SYT17: variants seen among roughly 807,000 people sequenced by gnomAD.
SYT17 encodes synaptotagmin 17.
A neutral mutation model predicts 46.7 loss-of-function variants in SYT17; 22 were observed. That is an observed-to-expected ratio of 0.47 (90% CI 0.34 to 0.67). The LOEUF (loss-of-function observed/expected upper bound fraction) is 0.67. Among genes scored for constraint, SYT17 ranks in the 30% least tolerant of loss-of-function variants. The pLI, the probability that SYT17 is intolerant of heterozygous loss-of-function variation, is 0.01. For synonymous variants in SYT17, 251 were observed against 248.4 expected, an observed-to-expected ratio of 1.01 and a Z score of -0.10; for missense variants, 519 against 612.8, an observed-to-expected ratio of 0.85 and a Z score of 1.62.
At chr16:19,234,208 C>T (rs1450979688) in intron 7 of SYT17, among the ~76,000 whole-genome samples, 1 of 152,162 alleles carries the variant, frequency 6.6e-6, no homozygotes. Flanking sequence ...TGCCTGTAGT[C>T]CCAGCTACTC....
At chr16:19,191,724 A>T (rs1965028937) in intron 5 of SYT17, among the ~76,000 whole-genome samples, 1 of 152,188 alleles carries the variant, frequency 6.6e-6, no homozygotes, top group African/African-American at 2.4e-5. Context: ...GTAACTGTTC[A>T]TTTCAGAATC....
intron 7 of SYT17, chr16:19,250,009 C>T: frequency 1.3e-6 from 2 of 1,535,836 alleles, no homozygotes; most frequent in Non-Finnish European, 1.7e-6. Context: ...TCCTTGGATA[C>T]CCTCACCTGG....
intron 7 of SYT17, among the ~76,000 whole-genome samples, chr16:19,230,016 T>G (rs1966624097): frequency 6.6e-6 from 1 of 152,150 alleles, no homozygotes; most frequent in African/African-American, 2.4e-5. Context: ...GTCAAACTCA[T>G]AGACAGAAAA....
chr16:19,183,510 A>G lies in SYT17; in HGVS notation c.332-18A>G. 1 of 1,612,012 alleles carries G rather than the reference A, an allele frequency of 6.2e-7. No individual in the cohort carries two copies. Among genetic ancestry groups the G allele is most frequent in the African/African-American group, 1.3e-5 (1 of 74,924 alleles). On this transcript the variant is annotated intron_variant, in intron 4 of 7. Coordinates refer to ENST00000355377, the MANE Select transcript of SYT17 (RefSeq NM_016524.4). This position sits in a 1 kb window ranked among gnomAD's most constrained non-coding sequence, Gnocchi z 5.6. ...CCCGTATGTGGCTGTCTTCATTGTTATTTCTGGTGGCTCTCAGGTCTTGAG... is the reference window on the plus strand; with the variant it reads ...CCCGTATGTGGCTGTCTTCATTGTTGTTTCTGGTGGCTCTCAGGTCTTGAG...
chr16:19,192,884 T>A (rs772734722), intron 5 of SYT17, among the ~76,000 whole-genome samples: 6 of 152,162 alleles, frequency 3.9e-5, no homozygotes, highest in Non-Finnish European at 7.4e-5. Flanking sequence ...CTGTGGAGCC[T>A]CCAGACCTCA....
intron 5 of SYT17, among the ~76,000 whole-genome samples, chr16:19,187,906 A>G (rs761913087): frequency 6.6e-6 from 1 of 152,264 alleles, no homozygotes; most frequent in Non-Finnish European, 1.5e-5. Flanking sequence ...TAGTTCAGCC[A>G]TAGTGGAAGA....
intron 5 of SYT17, among the ~76,000 whole-genome samples, chr16:19,221,708 T>C (rs1007019537): frequency 1.3e-5 from 2 of 152,202 alleles, no homozygotes; most frequent in African/African-American, 4.8e-5. Flanking sequence ...CATTAATTTG[T>C]TGAAATGACT....
At chr16:19,256,437 AACACACAC>A (rs57120408) in intron 7 of SYT17, among the ~76,000 whole-genome samples, 10,244 of 128,990 alleles carry the variant, frequency 0.079, 482 homozygotes, top group Non-Finnish European at 0.11. Flanking sequence ...CCCCTCTTCA[AACACACAC>A]ACACACACAC....
chr16:19,172,715 C>T (rs761403528), intron 1 of SYT17, 45 bp from the exon 2 acceptor site: 34 of 1,608,652 alleles, frequency 2.1e-5, no homozygotes, highest in African/African-American at 1.2e-4. Context: ...TTAACCCCTT[C>T]GTTCCCTTAC....
intron 5 of SYT17, among the ~76,000 whole-genome samples, chr16:19,184,898 C>T (rs1479327511): frequency 2.6e-5 from 4 of 152,192 alleles, no homozygotes; most frequent in Non-Finnish European, 5.9e-5. Flanking sequence ...GATTGGCTTC[C>T]TTCCCCCTGT....
chr16:19,171,918 A>G (rs1240297162), intron 1 of SYT17: 1 of 152,288 alleles, frequency 6.6e-6, no homozygotes, highest in African/African-American at 2.4e-5. Context: ...AGATGTTAAC[A>G]TGTAGTGGTA....
intron 7 of SYT17, among the ~76,000 whole-genome samples, chr16:19,254,867 A>G (rs1168655017): frequency 6.6e-6 from 1 of 152,188 alleles, no homozygotes; most frequent in Non-Finnish European, 1.5e-5. Flanking sequence ...TCTTCAACCC[A>G]TATGTCATCT....
chr16:19,215,892 C>T (rs1183033455), intron 5 of SYT17, among the ~76,000 whole-genome samples: 1 of 152,260 alleles, frequency 6.6e-6, no homozygotes, highest in Admixed American at 6.5e-5. Flanking sequence ...GAGCAAGTCA[C>T]GTCTTACATG....
chr16:19,187,777 C>T (rs1596913354), intron 5 of SYT17, among the ~76,000 whole-genome samples: 1 of 152,144 alleles, frequency 6.6e-6, no homozygotes, highest in Non-Finnish European at 1.5e-5. Context: ...ATCAACACTA[C>T]AATGAGATAC....
At chr16:19,230,485 A>G (rs1966641932) in intron 7 of SYT17, among the ~76,000 whole-genome samples, 1 of 152,248 alleles carries the variant, frequency 6.6e-6, no homozygotes, top group Middle Eastern at 3.4e-3. Flanking sequence ...ACTGAACTGT[A>G]TACCTAAAAA....
At chr16:19,172,533 G>A in intron 1 of SYT17, 2 of 1,498,566 alleles carry the variant, frequency 1.3e-6, no homozygotes, top group Non-Finnish European at 1.8e-6. Flanking sequence ...ATTTGGTGTT[G>A]GTTAACCAGG....
At chr16:19,201,548 G>A (rs1421184414) in intron 5 of SYT17, among the ~76,000 whole-genome samples, 1 of 151,706 alleles carries the variant, frequency 6.6e-6, no homozygotes, top group Non-Finnish European at 1.5e-5. Flanking sequence ...AGAAGCCACA[G>A]ATATCTCTTC....
chr16:19,192,558 A>G (rs1965067794), intron 5 of SYT17, among the ~76,000 whole-genome samples: 1 of 152,202 alleles, frequency 6.6e-6, no homozygotes, highest in Non-Finnish European at 1.5e-5. Flanking sequence ...TCCTGTTTCT[A>G]CAGGAAAAAG....
At chr16:19,225,006 G>C (rs1966453657) in intron 7 of SYT17, among the ~76,000 whole-genome samples, 168 bp downstream of exon 7, 1 of 152,138 alleles carries the variant, frequency 6.6e-6, no homozygotes, top group Non-Finnish European at 1.5e-5. Flanking sequence ...AGGACTCATA[G>C]AGCCCTATAA....
Sources: gnomAD v4.1 joint callset for allele counts (sites outside exome capture counted in the v4.1 genomes callset) on GRCh38, gnomAD v4.1.1 for gene constraint, Gnocchi (gnomAD v3.1) non-coding constraint, MANE v1.5 for transcripts, NCBI Gene and HGNC (gene_info 2026-07-23, HGNC 2026-07-21) for gene names.